LRRK1: variants seen among roughly 807,000 people sequenced by gnomAD.
LRRK1 encodes leucine-rich repeat serine/threonine-protein kinase 1.
Under a neutral mutation model 209.1 loss-of-function variants are expected in LRRK1, and 113 were observed. The observed-to-expected ratio is 0.54, with a 90% CI of 0.46 to 0.63. The LOEUF is 0.63. LRRK1 is among the 30% of genes least tolerant of loss of function. The probability of loss-of-function intolerance (pLI) is 0.00; values close to 1 mark genes in which losing one functional copy is unlikely to be tolerated. For synonymous variants in LRRK1, 1,144 were observed against 1,099.7 expected (o/e 1.04, Z -0.80); for missense variants, 2,284 against 2,632.2 (o/e 0.87, Z 2.89).
intron 28 of LRRK1, 114 bp from the exon 29 acceptor site, chr15:101,057,872 CTGAA>C (rs2035902601): frequency 5.3e-6 from 6 of 1,135,470 alleles, no homozygotes; most frequent in East Asian, 2.3e-5. Context: ...TGGATCTAGT[CTGAA>C]TGAACAGAAT....
chr15:101,063,310 C>G (rs887462890), intron 31 of LRRK1, among the ~76,000 whole-genome samples: 1 of 152,218 alleles, frequency 6.6e-6, no homozygotes, highest in Non-Finnish European at 1.5e-5. Context: ...CCTCCAGTCC[C>G]TGCTGGGCCC....
chr15:100,989,083 G>A (rs759682582), intron 5 of LRRK1, among the ~76,000 whole-genome samples, 167 bp from the exon 6 acceptor site: 2 of 152,244 alleles, frequency 1.3e-5, no homozygotes, highest in Admixed American at 6.5e-5. Flanking sequence ...AAGCCCCACA[G>A]AAATTCTCCC....
chr15:101,049,721 A>G lies in LRRK1; in HGVS notation c.3377A>G (p.Asp1126Gly). ...ATTGTTTGCCAATCAGAAGTGAGGG[A>G]CTTCTCAGCCATGGCTTTCATCACG... ...MKIVCQSEVR[D>G]FSAMAFITDH... Residue 1126 changes from aspartate to glycine, a missense_variant, in exon 23 of 34, where the codon GAC (aspartate) becomes GGC (glycine). Physicochemically the swap from Asp to Gly is moderately conservative, Grantham distance 94 (BLOSUM62 -1). Around this residue, in one of 6 missense-constraint regions of LRRK1, gnomAD observed 780 missense variants for 985.2 expected, o/e 0.79. Coordinates refer to ENST00000388948, the MANE Select transcript of LRRK1 (RefSeq NM_024652.6). The G allele has an allele frequency of 6.2e-7, 1 of 1,614,074 alleles. No homozygotes were observed. The highest frequency in any genetic ancestry group is 8.5e-7 in the Non-Finnish European group (1 of 1,179,986).
At chr15:100,957,498 A>C (rs1163086667) in intron 2 of LRRK1, among the ~76,000 whole-genome samples, 4 of 149,122 alleles carry the variant, frequency 2.7e-5, no homozygotes, top group Non-Finnish European at 6.0e-5. Flanking sequence ...TACATATTTA[A>C]AATTAGTACA....
Position 101,008,988 on chromosome 15 carries a change from G to A in LRRK1, c.914G>A (p.Arg305Gln), listed in dbSNP as rs201297016. 1,629 of 1,614,088 alleles carry A rather than the reference G, an allele frequency of 1.0e-3. 16 individuals are homozygous for A. Among genetic ancestry groups the A allele is most frequent in the Non-Finnish European group, 8.6e-5 (101 of 1,180,006 alleles). The change falls in exon 7 of 34, where the codon CGG (arginine) becomes CAG (glutamine). Residue 305 changes from arginine (R) to glutamine (Q), a missense_variant. This residue lies in a region of LRRK1 where 494 missense variants were observed against 522.1 expected (regional missense o/e 0.95). Coordinates refer to ENST00000388948, the MANE Select transcript of LRRK1 (RefSeq NM_024652.6). ...ATCCCCTGGGGCCTCATCAATCTCC[G>A]GAAGCTGAACCTCTCCGACAACCAC... is the stretch of plus-strand genomic sequence containing the variant. ...SVIPWGLINLRKLNLSDNHLG... is the reference protein window; with the variant it reads ...SVIPWGLINLQKLNLSDNHLG...
chr15:101,011,584 A>ATG (rs10675651), intron 9 of LRRK1, among the ~76,000 whole-genome samples: 72,301 of 150,676 alleles, frequency 0.48, 17,121 homozygotes, highest in South Asian at 0.56. Context: ...AGCATGAAGA[A>ATG]TGTGTGTGTG....
In LRRK1 at chr15:101,066,182, C is replaced by CAGAG; in HGVS notation, c.5747_5750dup (p.Asp1917GlufsTer60). On this transcript the variant is annotated frameshift_variant, in exon 32 of 34. Coordinates refer to ENST00000388948, the MANE Select transcript of LRRK1 (RefSeq NM_024652.6). LOFTEE classifies it high-confidence loss of function. ...TGCAGGCCGTGAAGATCCTCGCCGT[C>CAGAG]AGAGACCTCATTTGGGTCCCCAGGT... 6.2e-7 allele frequency: 1 copy of CAGAG among 1,610,910 alleles called. No individual in the cohort carries two copies. Among genetic ancestry groups the CAGAG allele is most frequent in the Non-Finnish European group, 8.5e-7 (1 of 1,178,078 alleles).
chr15:100,928,067 G>T (rs1470005348), intron 2 of LRRK1, among the ~76,000 whole-genome samples: 1 of 152,206 alleles, frequency 6.6e-6, no homozygotes, highest in Admixed American at 6.5e-5. Flanking sequence ...CATCGGTGCT[G>T]TTTATGTTTC....
intron 29 of LRRK1, among the ~76,000 whole-genome samples, chr15:101,060,638 G>A (rs2036112527): frequency 6.6e-6 from 1 of 152,260 alleles, no homozygotes; most frequent in Admixed American, 6.5e-5. Flanking sequence ...CCTCTGCCAT[G>A]CAGTGAGTGC....
intron 11 of LRRK1, among the ~76,000 whole-genome samples, 196 bp from the exon 12 acceptor site, chr15:101,015,130 C>G (rs2033468950): frequency 6.6e-6 from 1 of 152,170 alleles, no homozygotes; most frequent in Non-Finnish European, 1.5e-5. Context: ...AACTTGCACC[C>G]CAAGGAGGAC....
In LRRK1 at chr15:100,988,693, C is replaced by T; in HGVS notation, c.493C>T (p.His165Tyr). 1 of 1,614,214 alleles carries T rather than the reference C, an allele frequency of 6.2e-7. No individual in the cohort carries two copies. Among genetic ancestry groups the T allele is most frequent in the East Asian group, 2.2e-5 (1 of 44,886 alleles). ...WMLALACQRG[H>Y]LGVVKLLVLT... ...GCTGGCCTTGGCTTGCCAGCGAGGG[C>T]ACCTGGGGGTTGTGAAGCTCCTGGT... Residue 165 changes from histidine (H) to tyrosine (Y), a missense_variant, in exon 5 of 34, where the codon CAC (histidine) becomes TAC (tyrosine). By Grantham distance (83) the His-to-Tyr change is moderately conservative. Coordinates refer to ENST00000388948, the MANE Select transcript of LRRK1 (RefSeq NM_024652.6).
chr15:101,013,259 G>A (rs563796410), intron 10 of LRRK1, among the ~76,000 whole-genome samples: 25 of 152,314 alleles, frequency 1.6e-4, no homozygotes, highest in South Asian at 6.2e-4. Flanking sequence ...GATGGTGGGC[G>A]GTGGCGTGAG....
intron 2 of LRRK1, among the ~76,000 whole-genome samples, chr15:100,942,548 T>C (rs1357056518): frequency 6.6e-6 from 1 of 152,248 alleles, no homozygotes; most frequent in East Asian, 1.9e-4. Flanking sequence ...TGGCCAGTCT[T>C]CATTTCCAAA....
chr15:100,928,613 A>G lies in LRRK1; in HGVS notation c.97+3884A>G, dbSNP rs1020948277. Reference sequence around the variant, plus strand: ...TTGAAAACGACGACGTTCTTATTATACTTCCACGTGTGCGTTAGAAAAAGA... The same window carrying G: ...TTGAAAACGACGACGTTCTTATTATGCTTCCACGTGTGCGTTAGAAAAAGA... On this transcript the variant is annotated intron_variant, in intron 2 of 33. Transcript: ENST00000388948. Among the ~76,000 whole-genome samples the G allele has an allele frequency of 8.5e-5, 13 of 152,348 alleles. No individual in the cohort carries two copies. In the East Asian group the frequency reaches 2.5e-3, roughly 29 times the overall value.
intron 27 of LRRK1, among the ~76,000 whole-genome samples, chr15:101,055,673 A>C (rs1318486585): frequency 6.6e-6 from 1 of 152,118 alleles, no homozygotes. Context: ...TGAATGCCAA[A>C]CCAGGAGAAG....
At chr15:101,012,225 T>G in intron 10 of LRRK1, 80 bp downstream of exon 10, 1 of 1,213,020 alleles carries the variant, frequency 8.2e-7, no homozygotes, top group Non-Finnish European at 1.2e-6. Context: ...TGTATGTGCT[T>G]TTCCTGAGCT....
chr15:101,057,060 GAC>G lies in LRRK1; in HGVS notation c.4527+14_4527+15del. 6.3e-7 allele frequency: 1 copy of G among 1,591,392 alleles called. No homozygotes were observed. Among genetic ancestry groups the G allele is most frequent in the Non-Finnish European group, 8.6e-7 (1 of 1,167,490 alleles). On this transcript the variant is annotated intron_variant, in intron 28 of 33. Coordinates refer to ENST00000388948, the MANE Select transcript of LRRK1 (RefSeq NM_024652.6). ...CACTAAGCCAGAGAAGGTACTTGGG[GAC>G]ACAGAGCCCAGGGCCTGGGACCTCC...
At chr15:101,028,575 G>A (rs558676972) in intron 19 of LRRK1, among the ~76,000 whole-genome samples, 3 of 152,230 alleles carry the variant, frequency 2.0e-5, no homozygotes, top group South Asian at 2.1e-4. Flanking sequence ...TTCAGCCTCC[G>A]CTGGCAACGT....
intron 2 of LRRK1, among the ~76,000 whole-genome samples, chr15:100,940,191 T>C (rs1307578134): frequency 6.6e-6 from 1 of 152,196 alleles, no homozygotes; most frequent in Non-Finnish European, 1.5e-5. Flanking sequence ...GCTTTTGTGT[T>C]CTCACATGTC....
Sources: allele counts gnomAD v4.1 joint callset (sites outside exome capture counted in the v4.1 genomes callset), GRCh38; gene constraint gnomAD v4.1.1; regional missense constraint gnomAD v4.1.1; transcripts MANE v1.5; gene names NCBI Gene and HGNC (gene_info 2026-07-23, HGNC 2026-07-21).